The following LGSN variants were observed in gnomAD, a reference collection of about 807,000 sequenced individuals.
The protein encoded by LGSN is lengsin, lens protein with glutamine synthetase domain.
A neutral mutation model predicts 19.5 loss-of-function variants in LGSN; 21 were observed. The observed-to-expected ratio is 1.07, with a 90% CI of 0.76 to 1.55. LGSN has a LOEUF of 1.55. Among genes scored for constraint, LGSN ranks in the 40% most tolerant of loss-of-function variants. The pLI is 0.00. For missense variants in LGSN, 673 were observed against 608.5 expected, an observed-to-expected ratio of 1.11 and a Z score of -1.12; for synonymous variants, 257 against 215.6, an observed-to-expected ratio of 1.19 and a Z score of -1.68.
chr6:63,406,353 A>C, the LGSN span, among the ~76,000 whole-genome samples: 1 of 152,116 alleles, frequency 6.6e-6, no homozygotes, highest in Admixed American at 6.6e-5. Context: ...CAATCAAACT[A>C]CAACTCAGGA....
At chr6:63,444,201 G>T in the LGSN span, among the ~76,000 whole-genome samples, 2 of 151,758 alleles carry the variant, frequency 1.3e-5, no homozygotes, top group South Asian at 2.1e-4. Flanking sequence ...ACAACTCTAA[G>T]TAGTATGTTA....
At position 63,279,511 on chromosome 6, in the gene LGSN, T is replaced by C. The variant is rs1026472742; in HGVS notation, c.*510A>G. 1 of 152,292 alleles carries C rather than the reference T, an allele frequency of 6.6e-6. No homozygotes were observed. The highest frequency in any genetic ancestry group is 2.4e-5 in the African/African-American group (1 of 41,452). 9.4% of individuals were successfully genotyped at this position (152,292 alleles called of 1,614,324 possible). On this transcript the variant is annotated 3_prime_UTR_variant, in exon 4 of 4. Coordinates refer to ENST00000370657, the MANE Select transcript of LGSN (RefSeq NM_016571.3). ...TATTTTGGCAAAAGTTTATTTAACT[T>C]GTTTAGAAAGACCATAATGGTGCAT...
rs1416681649 is a variant in LGSN, at chr6:63,280,407, T to C, written c.1144A>G (p.Thr382Ala). 6.2e-7 allele frequency: 1 copy of C among 1,614,010 alleles called. No individual in the cohort carries two copies. Among genetic ancestry groups the C allele is most frequent in the Non-Finnish European group, 8.5e-7 (1 of 1,180,038 alleles). The change falls in exon 4 of 4, where the codon ACA becomes GCA. Residue 382 changes from threonine (T) to alanine (A), a missense_variant. Thr to Ala is a moderately conservative substitution (Grantham distance 58, BLOSUM62 0). Transcript: ENST00000370657. ...DRKDLKKSVP[T>A]TWGYNDNSCI... is the part of the protein sequence containing the mutation. ...CTGTTGTCATTGTATCCCCATGTTG[T>C]AGGCACACTCTTCTTCAGGTCTTTC...
intron 3 of LGSN, among the ~76,000 whole-genome samples, chr6:63,284,067 C>A (rs1438983076): frequency 1.3e-5 from 2 of 152,054 alleles, no homozygotes; most frequent in Non-Finnish European, 2.9e-5. Context: ...TCTTAAATTA[C>A]AAATATTAAT....
At chr6:63,364,464 T>C in the LGSN span, among the ~76,000 whole-genome samples, 21 of 152,278 alleles carry the variant, frequency 1.4e-4, no homozygotes, top group African/African-American at 4.8e-4. Context: ...CAAAGAGACT[T>C]AGACTCCCAC....
chr6:63,543,048 A>G, the LGSN span, among the ~76,000 whole-genome samples: 1 of 152,194 alleles, frequency 6.6e-6, no homozygotes, highest in Non-Finnish European at 1.5e-5. Flanking sequence ...ACATATGGCC[A>G]ATCTTTTTTC....
chr6:63,420,806 TAACTACCTAACAC>T, the LGSN span, among the ~76,000 whole-genome samples: 1 of 152,184 alleles, frequency 6.6e-6, no homozygotes, highest in Non-Finnish European at 1.5e-5. Flanking sequence ...ATACATAATG[TAACTACCTAACAC>T]AGATTGTAAA....
the LGSN span, among the ~76,000 whole-genome samples, chr6:63,417,444 T>C: frequency 6.6e-6 from 1 of 152,248 alleles, no homozygotes; most frequent in Non-Finnish European, 1.5e-5. Context: ...CTAAGGGTGA[T>C]AGCTGCTTCC....
the LGSN span, among the ~76,000 whole-genome samples, chr6:63,410,920 A>G: frequency 3.3e-5 from 5 of 152,128 alleles, no homozygotes; most frequent in African/African-American, 1.2e-4. Context: ...TTTTTTTCCA[A>G]TTCCTAAGCA....
the LGSN span, among the ~76,000 whole-genome samples, chr6:63,385,195 T>C: frequency 2.0e-5 from 3 of 152,368 alleles, no homozygotes; most frequent in East Asian, 3.9e-4. Flanking sequence ...GGAAGCACCC[T>C]TTCTGTTACT....
intron 2 of LGSN, among the ~76,000 whole-genome samples, chr6:63,292,464 G>C (rs76171017): frequency 0.016 from 2,446 of 152,196 alleles, 71 homozygotes; most frequent in African/African-American, 0.056. Context: ...GAGTGTCTTT[G>C]TTTACCAAGG....
At chr6:63,532,303 T>G in the LGSN span, among the ~76,000 whole-genome samples, 1 of 152,188 alleles carries the variant, frequency 6.6e-6, no homozygotes, top group Non-Finnish European at 1.5e-5. Flanking sequence ...TTGGTAAATC[T>G]CTATTAAGTT....
At chr6:63,470,715 T>C in the LGSN span, among the ~76,000 whole-genome samples, 1 of 152,004 alleles carries the variant, frequency 6.6e-6, no homozygotes, top group Admixed American at 6.6e-5. Flanking sequence ...CCGCCAGAGA[T>C]GGACATATAA....
chr6:63,432,927 C>T, the LGSN span, among the ~76,000 whole-genome samples: 1 of 152,082 alleles, frequency 6.6e-6, no homozygotes, highest in Non-Finnish European at 1.5e-5. Flanking sequence ...CCCTTGGAGA[C>T]AGGTACTTAC....
At chr6:63,463,162 T>A in the LGSN span, among the ~76,000 whole-genome samples, 1 of 152,206 alleles carries the variant, frequency 6.6e-6, no homozygotes, top group East Asian at 1.9e-4. Flanking sequence ...TATCTCTGTT[T>A]TCCCATCTTT....
chr6:63,363,051 T>C, the LGSN span, among the ~76,000 whole-genome samples: 1 of 152,326 alleles, frequency 6.6e-6, no homozygotes, highest in South Asian at 2.1e-4. Flanking sequence ...TTTGCTCTTC[T>C]GCAGCCTCTG....
chr6:63,327,681 A>G, the LGSN span, among the ~76,000 whole-genome samples: 1 of 152,204 alleles, frequency 6.6e-6, no homozygotes, highest in East Asian at 1.9e-4. Flanking sequence ...GGCTGGGTAG[A>G]TGGACATTTA....
In LGSN at chr6:63,286,390, A is replaced by G. The variant is rs540729144; in HGVS notation, c.164-637T>C. ...GTAGGAGATGAAAAGTCTGGACTGC[A>G]TACTCAATTTAAAATTAGAAACATA... On this transcript the variant is annotated intron_variant, in intron 2 of 3. Transcript: ENST00000370657. 6.6e-5 allele frequency among the ~76,000 whole-genome samples: 10 copies of G among 152,344 alleles called. No homozygotes were observed. The South Asian group carries it at 2.1e-3, about 32-fold the overall frequency.
the LGSN span, among the ~76,000 whole-genome samples, chr6:63,344,154 G>C: frequency 6.6e-6 from 1 of 152,126 alleles, no homozygotes; most frequent in African/African-American, 2.4e-5. Flanking sequence ...CCAAGTTATA[G>C]AACTATGAGA....
Sources: gnomAD v4.1 joint callset for allele counts (sites outside exome capture counted in the v4.1 genomes callset) on GRCh38, gnomAD v4.1.1 for gene constraint, MANE v1.5 for transcripts, NCBI Gene and HGNC (gene_info 2026-07-23, HGNC 2026-07-21) for gene names.